The following GSE1 variants were observed in gnomAD, a reference collection of about 807,000 sequenced individuals.
GSE1 encodes Gse1 coiled-coil protein, also known as genetic suppressor element 1.
GSE1 carries 32 observed loss-of-function variants against 112.6 expected under a neutral mutation model. The observed-to-expected ratio is 0.28, with a 90% CI of 0.21 to 0.38. GSE1 has a LOEUF of 0.38. GSE1 is among the 10% of genes least tolerant of loss of function. GSE1 has a pLI of 1.00. For missense variants in GSE1, 2,348 were observed against 1,699.2 expected, an observed-to-expected ratio of 1.38 and a Z score of -6.71; for synonymous variants, 1,115 against 735.6, an observed-to-expected ratio of 1.52 and a Z score of -8.35.
chr16:85,425,323 A>ATGTGAGGTGGTGACT (rs1180678596), intron 2 of GSE1, among the ~76,000 whole-genome samples: 18 of 151,872 alleles, frequency 1.2e-4, no homozygotes, highest in South Asian at 6.2e-4. Context: ...AGGTGGTGAC[A>ATGTGAGGTGGTGACT]GCAGGAAGCA....
At chr16:85,253,394 A>C (rs986506497) in intron 1 of GSE1, among the ~76,000 whole-genome samples, 6 of 152,168 alleles carry the variant, frequency 3.9e-5, no homozygotes, top group Non-Finnish European at 7.4e-5. Context: ...GCAGAGCTGC[A>C]GCCTGTGTGG....
chr16:85,628,109 G>A (rs1176702679), intron 1 of GSE1, among the ~76,000 whole-genome samples: 1 of 152,224 alleles, frequency 6.6e-6, no homozygotes, highest in Non-Finnish European at 1.5e-5. Flanking sequence ...GGATCTCGGG[G>A]TTCCCCGGCT....
intron 1 of GSE1, among the ~76,000 whole-genome samples, chr16:85,284,513 A>G (rs1482170630): frequency 6.6e-6 from 1 of 152,182 alleles, no homozygotes; most frequent in Non-Finnish European, 1.5e-5. Flanking sequence ...CTCTGTTATT[A>G]CAGCACAAAG....
chr16:85,325,202 C>G (rs923032545), intron 1 of GSE1, among the ~76,000 whole-genome samples: 2 of 151,992 alleles, frequency 1.3e-5, no homozygotes, highest in Non-Finnish European at 2.9e-5. Flanking sequence ...CTGCTAGCCC[C>G]AAGTGATCCT....
Position 85,590,731 on chromosome 16 carries a change from G to A in GSE1, c.37+34368G>A, listed in dbSNP as rs551821524. On this transcript the variant is annotated intron_variant, in intron 1 of 2. Transcript: ENST00000635906. ...GGGATGGAGTGTGTGTGGAGCATGT[G>A]TGGCGGGCCCTTTGTGGGAGAAGTG... 2.6e-5 allele frequency among the ~76,000 whole-genome samples: 4 copies of A among 152,312 alleles called. No individual in the cohort carries two copies. The East Asian group carries it at 7.7e-4, about 29-fold the overall frequency.
chr16:85,358,285 C>T (rs1027947217), intron 2 of GSE1, among the ~76,000 whole-genome samples: 1 of 152,212 alleles, frequency 6.6e-6, no homozygotes, highest in Non-Finnish European at 1.5e-5. Flanking sequence ...GGCCTTGGGG[C>T]CTGGGCCAGG....
rs763031087 is a variant in GSE1 at position 85,672,488 on chromosome 16, C to A, written c.3603C>A (p.Ala1201=). ...AELDHLRKCL[A]LPAMHWPRGY... Reference sequence around the variant, plus strand: ...TGGACCACTTACGAAAGTGCCTTGCCTTGCCTGCAATGCACTGGCCTAGGG... The same window carrying A: ...TGGACCACTTACGAAAGTGCCTTGCATTGCCTGCAATGCACTGGCCTAGGG... The change falls in exon 16 of 16, where the codon GCC becomes GCA. Residue 1201 remains alanine, a synonymous_variant. Coordinates refer to ENST00000253458, the MANE Select transcript of GSE1 (RefSeq NM_014615.5). 2 of 1,611,404 alleles carry A rather than the reference C, an allele frequency of 1.2e-6. No individual in the cohort carries two copies. The highest frequency in any genetic ancestry group is 8.5e-7 in the Non-Finnish European group (1 of 1,177,698).
intron 1 of GSE1, among the ~76,000 whole-genome samples, chr16:85,337,999 C>T (rs2046542138): frequency 6.6e-6 from 1 of 152,198 alleles, no homozygotes; most frequent in African/African-American, 2.4e-5. Flanking sequence ...GCTGGGAACA[C>T]CCCTGGGCTC....
rs780206555 is a variant in GSE1, at chr16:85,656,448, CGAGAAGGAGCGCGAGCAA to C, written c.1107_1124del (p.Gln371_Glu376del). 4.1e-5 allele frequency: 63 copies of C among 1,549,710 alleles called. No homozygotes were observed. The highest frequency in any genetic ancestry group is 4.0e-4 in the Admixed American group (21 of 52,330). On this transcript the variant is annotated inframe_deletion, in exon 7 of 16. Coordinates refer to ENST00000253458, the MANE Select transcript of GSE1 (RefSeq NM_014615.5). ...GGGAGAAGGAACGTGAGCGCGAACGCGAGAAGGAGCGCGAGCAAGAGAAGGAGCGTGAGCGTGAGAAGG... is the reference window on the plus strand; with the variant it reads ...GGGAGAAGGAACGTGAGCGCGAACGCGAGAAGGAGCGTGAGCGTGAGAAGG...
At chr16:85,657,628 G>A (rs773067440) in intron 8 of GSE1, 24 bp downstream of exon 8, 1 of 1,462,978 alleles carries the variant, frequency 6.8e-7, no homozygotes, top group Non-Finnish European at 9.1e-7. Flanking sequence ...AGGAAGGAAG[G>A]AGGGATGAGC....
chr16:85,252,642 C>G (rs1484393486), intron 1 of GSE1, among the ~76,000 whole-genome samples: 1 of 152,230 alleles, frequency 6.6e-6, no homozygotes, highest in Non-Finnish European at 1.5e-5. Context: ...GAGGCCCCAG[C>G]TGTGGCTTCA....
At chr16:85,199,199 C>T (rs757465628) in intron 1 of GSE1, among the ~76,000 whole-genome samples, 14 of 152,082 alleles carry the variant, frequency 9.2e-5, no homozygotes, top group Admixed American at 3.3e-4. Flanking sequence ...TCAGATGATC[C>T]GCCCGCCTCG....
intron 1 of GSE1, among the ~76,000 whole-genome samples, chr16:85,219,515 G>A (rs2075356929): frequency 6.6e-6 from 1 of 152,080 alleles, no homozygotes; most frequent in African/African-American, 2.4e-5. Flanking sequence ...CAGCTGTCTT[G>A]GACCACCTTG....
chr16:85,315,933 G>T (rs4782697), intron 1 of GSE1, among the ~76,000 whole-genome samples: 66,974 of 152,072 alleles, frequency 0.44, 15,785 homozygotes, highest in Admixed American at 0.58. Context: ...AGTGGGAGGG[G>T]GGGTGAAGGT....
At chr16:85,216,296 C>T (rs1405505061) in intron 1 of GSE1, among the ~76,000 whole-genome samples, 2 of 152,116 alleles carry the variant, frequency 1.3e-5, no homozygotes, top group Non-Finnish European at 2.9e-5. Context: ...CCCAGCTACT[C>T]AGGAGGCTGA....
chr16:85,262,187 ATTAT>A (rs1208362095), intron 1 of GSE1, among the ~76,000 whole-genome samples: 1 of 152,122 alleles, frequency 6.6e-6, no homozygotes, highest in African/African-American at 2.4e-5. Context: ...ACGATGACAA[ATTAT>A]TTATTTAATG....
chr16:85,622,476 G>T (rs1163391350), intron 1 of GSE1, among the ~76,000 whole-genome samples: 1 of 152,206 alleles, frequency 6.6e-6, no homozygotes, highest in East Asian at 1.9e-4. Flanking sequence ...TGCTGTAGGA[G>T]TTTGTAGCCT....
At chr16:85,218,526 G>A (rs1018796792) in intron 1 of GSE1, among the ~76,000 whole-genome samples, 5 of 152,184 alleles carry the variant, frequency 3.3e-5, no homozygotes, top group African/African-American at 7.2e-5. Context: ...GGTAAAACGC[G>A]GCCTTTGGAG....
chr16:85,286,327 C>T (rs899456751), intron 1 of GSE1, among the ~76,000 whole-genome samples: 5 of 152,284 alleles, frequency 3.3e-5, no homozygotes, highest in African/African-American at 1.2e-4. Context: ...AACATTTATT[C>T]GAGGGAATGT....
Sources: allele counts gnomAD v4.1 joint callset (sites outside exome capture counted in the v4.1 genomes callset), GRCh38; gene constraint gnomAD v4.1.1; transcripts MANE v1.5; gene names NCBI Gene and HGNC (gene_info 2026-07-23, HGNC 2026-07-21).